Variants in PLEKHM2 observed in about 807,000 individuals in gnomAD.
The protein encoded by PLEKHM2 is pleckstrin homology and RUN domain containing M2, also known as pleckstrin homology domain-containing family M member 2.
PLEKHM2 carries 77 observed loss-of-function variants against 116.3 expected under a neutral mutation model. That is an observed-to-expected ratio of 0.66 (90% CI 0.55 to 0.80). PLEKHM2 has a LOEUF of 0.80. Ranked by LOEUF, PLEKHM2 falls within the 30% of genes least tolerant of loss-of-function variation. PLEKHM2 has a pLI of 0.00. For synonymous variants in PLEKHM2, 562 were observed against 571.0 expected, an observed-to-expected ratio of 0.98 and a Z score of 0.22; for missense variants, 1,183 against 1,354.9, an observed-to-expected ratio of 0.87 and a Z score of 1.99.
At chr1:15,698,339 G>A (rs2148337604) in intron 1 of PLEKHM2, among the ~76,000 whole-genome samples, 1 of 152,152 alleles carries the variant, frequency 6.6e-6, no homozygotes, top group East Asian at 1.9e-4. Context: ...AAGTAGTTGG[G>A]ACTATAGGTG....
intron 3 of PLEKHM2, among the ~76,000 whole-genome samples, 179 bp downstream of exon 3, chr1:15,716,995 G>A (rs1641460403): frequency 6.6e-6 from 1 of 152,218 alleles, no homozygotes; most frequent in Non-Finnish European, 1.5e-5. Context: ...GCTCACACCT[G>A]TAATCCCAGC....
chr1:15,725,368 T>C lies in PLEKHM2; in HGVS notation c.764T>C (p.Leu255Pro). 6.4e-7 allele frequency: 1 copy of C among 1,551,658 alleles called. No homozygotes were observed. ...GGTCCCCGCTCCACAGCCTCCGACC[T>C]GACCAGCAGCAAGGCCTCCACCAGG... is the stretch of plus-strand genomic sequence containing the variant. ...VSGPRSTASD[L>P]TSSKASTRSP... The change falls in exon 8 of 20, where the codon CTG becomes CCG. Residue 255 changes from leucine to proline, a missense_variant. Around this residue, in one of 3 missense-constraint regions of PLEKHM2, gnomAD observed 372 missense variants for 357.2 expected, o/e 1.04. Coordinates refer to ENST00000375799, the MANE Select transcript of PLEKHM2 (RefSeq NM_015164.4).
At chr1:15,694,756 G>GTTTT (rs111345595) in intron 1 of PLEKHM2, among the ~76,000 whole-genome samples, 2 of 144,310 alleles carry the variant, frequency 1.4e-5, no homozygotes, top group African/African-American at 2.5e-5. Context: ...ATTTTGTTTT[G>GTTTT]TTTTTTTTTT....
chr1:15,708,353 G>A (rs1175169918), intron 1 of PLEKHM2, among the ~76,000 whole-genome samples: 1 of 151,426 alleles, frequency 6.6e-6, no homozygotes, highest in Non-Finnish European at 1.5e-5. Context: ...AGTAGCTGGG[G>A]CTACAGGTGC....
rs749363652 is a variant in PLEKHM2 at position 15,716,250 on chromosome 1, T to C, written c.74T>C (p.Phe25Ser). 3 of 1,591,370 alleles carry C rather than the reference T, an allele frequency of 1.9e-6. No individual in the cohort carries two copies. Among genetic ancestry groups the C allele is most frequent in the African/African-American group, 1.3e-5 (1 of 74,306 alleles). Reference sequence around the variant, plus strand: ...TTTTTCTTTCAGTTGCAGAGCTATTTTGCTGCATGTGAGGATGAGATCCCT... The same window carrying C: ...TTTTTCTTTCAGTTGCAGAGCTATTCTGCTGCATGTGAGGATGAGATCCCT... ...SLSVKKLQSY[F>S]AACEDEIPAI... is the part of the protein sequence containing the mutation. Residue 25 changes from phenylalanine to serine, a missense_variant, in exon 2 of 20, where the codon TTT (phenylalanine) becomes TCT (serine). Physicochemically the swap from Phe to Ser is radical, Grantham distance 155 (BLOSUM62 -2). Around this residue, in one of 3 missense-constraint regions of PLEKHM2, gnomAD observed 217 missense variants for 277.6 expected, o/e 0.78. Transcript: ENST00000375799.
chr1:15,713,717 G>A (rs1229485782), intron 1 of PLEKHM2, among the ~76,000 whole-genome samples: 1 of 144,364 alleles, frequency 6.9e-6, no homozygotes, highest in South Asian at 2.2e-4. Flanking sequence ...CTCACTGCAA[G>A]CTCCGCCTCC....
At chr1:15,713,918 G>A (rs1318551867) in intron 1 of PLEKHM2, among the ~76,000 whole-genome samples, 4 of 147,010 alleles carry the variant, frequency 2.7e-5, no homozygotes, top group South Asian at 2.2e-4. Context: ...GATTACAGGC[G>A]TGAGCCACTG....
intron 1 of PLEKHM2, among the ~76,000 whole-genome samples, chr1:15,698,527 CTT>C (rs1641044160): frequency 2.1e-5 from 3 of 142,934 alleles, no homozygotes; most frequent in African/African-American, 5.5e-5. Flanking sequence ...GTTTTTCTTT[CTT>C]TTTCTTTCTT....
At chr1:15,691,585 G>A (rs1210441071) in intron 1 of PLEKHM2, among the ~76,000 whole-genome samples, 3 of 152,104 alleles carry the variant, frequency 2.0e-5, no homozygotes, top group South Asian at 2.1e-4. Context: ...CCTCACCGGC[G>A]TCGGCTCTGA....
Position 15,733,971 on chromosome 1 carries a change from G to A in PLEKHM2, c.*37G>A. On this transcript the variant is annotated 3_prime_UTR_variant, in exon 20 of 20. Transcript: ENST00000375799. Reference sequence around the variant, plus strand: ...TTGGCGTCCCTGGTGGGCAGGAAAGGAAGGCACGCCAGCCGGCAGGCACAC... The same window carrying A: ...TTGGCGTCCCTGGTGGGCAGGAAAGAAAGGCACGCCAGCCGGCAGGCACAC... 6.3e-7 allele frequency: 1 copy of A among 1,593,964 alleles called. No homozygotes were observed.
chr1:15,728,539 C>T lies in PLEKHM2; in HGVS notation c.1922-130C>T, dbSNP rs563386409. ...GAGCCTGGGGCTCCCTCTGTGAGCACTCCACGCCATTCTCCTACTGCAGGG... is the reference window on the plus strand; with the variant it reads ...GAGCCTGGGGCTCCCTCTGTGAGCATTCCACGCCATTCTCCTACTGCAGGG... On this transcript the variant is annotated intron_variant, in intron 11 of 19. Coordinates refer to ENST00000375799, the MANE Select transcript of PLEKHM2 (RefSeq NM_015164.4). The surrounding 1 kb of genome is among the most constrained non-coding windows in gnomAD (Gnocchi z 5.9). The T allele has an allele frequency of 9.9e-7, 1 of 1,007,830 alleles. No individual in the cohort carries two copies. The highest frequency in any genetic ancestry group is 1.5e-5 in the South Asian group (1 of 68,808). The allele number at this position is 1,007,830 out of a possible 1,614,324, so 62.4% of individuals were successfully genotyped here.
At chr1:15,695,491 C>A (rs1241748099) in intron 1 of PLEKHM2, among the ~76,000 whole-genome samples, 1 of 152,108 alleles carries the variant, frequency 6.6e-6, no homozygotes, top group Non-Finnish European at 1.5e-5. Context: ...GGGTCAGTGG[C>A]CCATGATGTC....
intron 1 of PLEKHM2, among the ~76,000 whole-genome samples, chr1:15,708,591 A>G (rs930631847): frequency 6.6e-6 from 1 of 152,130 alleles, no homozygotes; most frequent in African/African-American, 2.4e-5. Context: ...ACTTTACAAA[A>G]AAGTTTTTTA....
chr1:15,699,550 C>G (rs1414127739), intron 1 of PLEKHM2, among the ~76,000 whole-genome samples: 2 of 152,170 alleles, frequency 1.3e-5, no homozygotes, highest in Non-Finnish European at 2.9e-5. Context: ...GCATAGTATT[C>G]CATGGTGTAT....
intron 1 of PLEKHM2, among the ~76,000 whole-genome samples, chr1:15,684,911 C>CCG (rs1557636194): frequency 5.9e-5 from 9 of 152,100 alleles, no homozygotes; most frequent in Admixed American, 5.2e-4. Context: ...CGGTCCCCCA[C>CCG]TGGGGCAGCG....
intron 1 of PLEKHM2, among the ~76,000 whole-genome samples, chr1:15,693,005 C>T (rs12748460): frequency 0.2 from 29,376 of 148,976 alleles, 2,933 homozygotes; most frequent in African/African-American, 0.25. Context: ...TCCCAAAGTG[C>T]TGGGATTATA....
Position 15,684,611 on chromosome 1 carries a change from TGAA to T in PLEKHM2, c.58_60del (p.Lys20del), listed in dbSNP as rs745635006. 4 of 1,301,002 alleles carry T rather than the reference TGAA, an allele frequency of 3.1e-6. No individual in the cohort carries two copies. The highest frequency in any genetic ancestry group is 2.9e-5 in the Admixed American group (1 of 34,180). The allele number at this position is 1,301,002 out of a possible 1,614,324, so 80.6% of individuals were successfully genotyped here. A position where few individuals can be genotyped will look rare whatever the true frequency, so the allele number is the denominator to read the frequency against. On this transcript the variant is annotated inframe_deletion, in exon 1 of 20. Coordinates refer to ENST00000375799, the MANE Select transcript of PLEKHM2 (RefSeq NM_015164.4). Reference sequence around the variant, plus strand: ...ATCCTGGAGAACATCTCGCTGTCGGTGAAGAAGGTGAGCGCGGCCTCCCTCCCG... The same window carrying T: ...ATCCTGGAGAACATCTCGCTGTCGGTGAAGGTGAGCGCGGCCTCCCTCCCG...
chr1:15,730,674 C>T lies in PLEKHM2; in HGVS notation c.2351C>T (p.Thr784Ile), dbSNP rs989190552. The change falls in exon 15 of 20, where the codon ACC becomes ATC. Residue 784 changes from threonine to isoleucine, a missense_variant. Transcript: ENST00000375799. The part of the protein sequence containing the change: ...KEGMLHYKAG[T>I]SYLGKEHWKT... ...GGCATGCTGCACTACAAGGCGGGCACCTCCTACCTGGGCAAGGAACACTGG... is the reference window on the plus strand; with the variant it reads ...GGCATGCTGCACTACAAGGCGGGCATCTCCTACCTGGGCAAGGAACACTGG... The T allele has an allele frequency of 2.3e-5, 37 of 1,609,650 alleles. No homozygotes were observed. Among genetic ancestry groups the T allele is most frequent in the Non-Finnish European group, 3.1e-5 (37 of 1,178,210 alleles).
chr1:15,682,414 G>A (rs1640663958), upstream of PLEKHM2, among the ~76,000 whole-genome samples: 1 of 147,568 alleles, frequency 6.8e-6, no homozygotes, highest in Non-Finnish European at 1.5e-5. Context: ...TTGTGCCACC[G>A]CACTCCGGCC....
Sources: gnomAD v4.1 joint callset for allele counts (sites outside exome capture counted in the v4.1 genomes callset) on GRCh38, gnomAD v4.1.1 for gene constraint, gnomAD v4.1.1 regional missense constraint, Gnocchi (gnomAD v3.1) non-coding constraint, MANE v1.5 for transcripts, NCBI Gene and HGNC (gene_info 2026-07-23, HGNC 2026-07-21) for gene names.